Variants in ABCG2 observed in about 807,000 individuals in gnomAD.
ABCG2 encodes the protein broad substrate specificity ATP-binding cassette transporter ABCG2.
ABCG2 carries 80 observed loss-of-function variants against 73.5 expected under a neutral mutation model. The observed-to-expected ratio is 1.09, with a 90% CI of 0.91 to 1.31. ABCG2 has a LOEUF of 1.31. ABCG2 is among the 50% of genes most tolerant of loss of function. The pLI is 0.00. For synonymous variants in ABCG2, 269 were observed against 282.4 expected, an observed-to-expected ratio of 0.95 and a Z score of 0.48; for missense variants, 796 against 786.2, an observed-to-expected ratio of 1.01 and a Z score of -0.15.
At position 88,183,345 on chromosome 4, in the gene ABCG2, G is replaced by C. The variant is rs114270388; in HGVS notation, c.-19-43331C>G. On this transcript the variant is annotated intron_variant, in intron 1 of 15. Transcript: ENST00000515655. ...TTAGCCAGACTAATGAAGAAAAAAA[G>C]AGAAAAGAAACAAATAAATAAAATC... Among the ~76,000 whole-genome samples, 1,138 of 152,044 alleles carry C rather than the reference G, an allele frequency of 7.5e-3. 14 individuals are homozygous for C. Among genetic ancestry groups the C allele is most frequent in the African/African-American group, 0.026 (1,067 of 41,506 alleles).
intron 1 of ABCG2, among the ~76,000 whole-genome samples, chr4:88,164,753 A>G (rs1727447868): frequency 1.3e-5 from 2 of 152,150 alleles, no homozygotes; most frequent in Non-Finnish European, 2.9e-5. Context: ...ATGTATCCTC[A>G]TGGAGGTAAA....
intron 9 of ABCG2, among the ~76,000 whole-genome samples, chr4:88,108,713 C>T (rs920752814): frequency 3.3e-5 from 5 of 152,090 alleles, no homozygotes; most frequent in Non-Finnish European, 5.9e-5. Flanking sequence ...TGAAGCAAAC[C>T]GAACTGCAAA....
rs772863640 is a variant in ABCG2 at position 88,121,790 on chromosome 4, A to G, written c.534T>C (p.Val178=). Residue 178 remains valine, a splice_region_variant and synonymous_variant, in exon 6 of 16, where the codon GTT becomes GTC. Coordinates refer to ENST00000237612, the MANE Select transcript of ABCG2 (RefSeq NM_004827.3). ...ACACACCACGGATAAACTGAGTTCC[A>G]ACCTAAATCACAAATATTATAATTG... ...LGLDKVADSK[V]GTQFIRGVSG... is the part of the protein sequence containing the mutation. 1.9e-5 allele frequency: 30 copies of G among 1,612,138 alleles called. No homozygotes were observed. In the African/African-American group the frequency reaches 3.5e-4, roughly 19 times the overall value.
intron 5 of ABCG2, among the ~76,000 whole-genome samples, chr4:88,129,265 G>A (rs982124248): frequency 6.6e-6 from 1 of 152,034 alleles, no homozygotes; most frequent in Non-Finnish European, 1.5e-5. Context: ...CTATGTAAAT[G>A]ATATTAATTG....
At chr4:88,154,090 A>G (rs1213122392) in intron 1 of ABCG2, among the ~76,000 whole-genome samples, 1 of 152,146 alleles carries the variant, frequency 6.6e-6, no homozygotes, top group Non-Finnish European at 1.5e-5. Context: ...GAAGAGATTG[A>G]TAGGTGGAAG....
chr4:88,177,918 CCA>C (rs1258919672), intron 1 of ABCG2, among the ~76,000 whole-genome samples: 1 of 152,166 alleles, frequency 6.6e-6, no homozygotes. Flanking sequence ...GTGGTCAGGA[CCA>C]GAGTTCCAGC....
intron 2 of ABCG2, among the ~76,000 whole-genome samples, chr4:88,133,724 G>A (rs1206500582): frequency 4.6e-5 from 7 of 152,214 alleles, no homozygotes; most frequent in African/African-American, 1.7e-4. Flanking sequence ...TTGGCCGGGT[G>A]TGGTGGCTCA....
chr4:88,090,389 T>A lies in ABCG2; in HGVS notation c.*1845A>T, dbSNP rs1181020943. The A allele has an allele frequency of 6.6e-6, 1 of 152,086 alleles. No homozygotes were observed. The highest frequency in any genetic ancestry group is 2.4e-5 in the African/African-American group (1 of 41,384). 9.4% of individuals were successfully genotyped at this position (152,086 alleles called of 1,614,324 possible). A position where few individuals can be genotyped will look rare whatever the true frequency, so the allele number is the denominator to read the frequency against. Reference sequence around the variant, plus strand: ...CTCTCTGTGTAATAAGGGAAGGGTATATATAGAGAACTGTAAGGGACAGGT... The same window carrying A: ...CTCTCTGTGTAATAAGGGAAGGGTAAATATAGAGAACTGTAAGGGACAGGT... On this transcript the variant is annotated 3_prime_UTR_variant, in exon 16 of 16. Coordinates refer to ENST00000237612, the MANE Select transcript of ABCG2 (RefSeq NM_004827.3).
chr4:88,126,711 C>T (rs1051322511), intron 5 of ABCG2, among the ~76,000 whole-genome samples: 10 of 152,128 alleles, frequency 6.6e-5, no homozygotes, highest in African/African-American at 1.7e-4. Flanking sequence ...GTAAGGCCTT[C>T]GATAAAATTC....
rs185332632 is a variant in ABCG2 at position 88,115,142 on chromosome 4, A to C, written c.842-84T>G. On this transcript the variant is annotated intron_variant, in intron 7 of 15. Transcript: ENST00000237612. ...TCACTTTCAGAGGGTGAGGGAGGTAAGGCTAGAGAAGACAGAATCTAATGA... is the reference window on the plus strand; with the variant it reads ...TCACTTTCAGAGGGTGAGGGAGGTACGGCTAGAGAAGACAGAATCTAATGA... 3.9e-3 allele frequency: 3,260 copies of C among 827,868 alleles called. 10 individuals are homozygous for C. The highest frequency in any genetic ancestry group is 5.1e-3 in the Non-Finnish European group (2,570 of 502,328). 51.3% of individuals were successfully genotyped at this position (827,868 alleles called of 1,614,324 possible).
At position 88,090,551 on chromosome 4, in the gene ABCG2, A is replaced by G. The variant is rs1721582848; in HGVS notation, c.*1683T>C. On this transcript the variant is annotated 3_prime_UTR_variant, in exon 16 of 16. Transcript: ENST00000237612. The stretch of plus-strand genomic sequence containing the variant: ...TCCAAAAAGAAAAAAGTTCAAAGAT[A>G]AAAATATAATGCCATGTTCCCAAAT... 1 of 152,250 alleles carries G rather than the reference A, an allele frequency of 6.6e-6. No individual in the cohort carries two copies. Among genetic ancestry groups the G allele is most frequent in the African/African-American group, 2.4e-5 (1 of 41,474 alleles). 9.4% of individuals were successfully genotyped at this position (152,250 alleles called of 1,614,324 possible). A position where few individuals can be genotyped will look rare whatever the true frequency, so the allele number is the denominator to read the frequency against.
At chr4:88,181,167 T>A in intron 1 of ABCG2, among the ~76,000 whole-genome samples, 1 of 151,844 alleles carries the variant, frequency 6.6e-6, no homozygotes, top group East Asian at 1.9e-4. Context: ...TTTGGGAGGC[T>A]GAGGTGGACG....
At chr4:88,186,501 G>T (rs4367138) in intron 1 of ABCG2, among the ~76,000 whole-genome samples, 1 of 151,996 alleles carries the variant, frequency 6.6e-6, no homozygotes, top group Non-Finnish European at 1.5e-5. Context: ...TATAAGCATG[G>T]TCGGTGGCTC....
intron 1 of ABCG2, among the ~76,000 whole-genome samples, chr4:88,152,415 C>T (rs958147742): frequency 1.6e-4 from 24 of 151,978 alleles, no homozygotes; most frequent in African/African-American, 5.3e-4. Flanking sequence ...GGGCTGAGTC[C>T]GAAAAGAAAG....
intron 1 of ABCG2, among the ~76,000 whole-genome samples, chr4:88,186,950 G>C (rs1010003794): frequency 4.1e-5 from 6 of 146,570 alleles, no homozygotes; most frequent in African/African-American, 1.5e-4. Context: ...AAATTTAGCC[G>C]GGCATGGTGG....
At chr4:88,216,642 T>C (rs989676542) in intron 1 of ABCG2, among the ~76,000 whole-genome samples, 2 of 152,232 alleles carry the variant, frequency 1.3e-5, no homozygotes, top group Non-Finnish European at 2.9e-5. Context: ...GGTGACCAGA[T>C]GGCCACCTAG....
chr4:88,210,443 C>A (rs960207585), intron 1 of ABCG2, among the ~76,000 whole-genome samples: 2 of 152,110 alleles, frequency 1.3e-5, no homozygotes, highest in Non-Finnish European at 2.9e-5. Context: ...TCCCCAGCAG[C>A]CTTACCTTTG....
chr4:88,178,632 C>T (rs1213565489), intron 1 of ABCG2, among the ~76,000 whole-genome samples: 1 of 152,182 alleles, frequency 6.6e-6, no homozygotes, highest in Admixed American at 6.5e-5. Flanking sequence ...TCCCTGATTC[C>T]AGGCCTTGGT....
intron 6 of ABCG2, among the ~76,000 whole-genome samples, 175 bp from the exon 7 acceptor site, chr4:88,118,435 T>C (rs376795534): frequency 8.5e-5 from 13 of 152,370 alleles, no homozygotes; most frequent in Admixed American, 3.9e-4. Flanking sequence ...TCAATGCTTT[T>C]ATTAAAACAG....
Sources: gnomAD v4.1 joint callset for allele counts (sites outside exome capture counted in the v4.1 genomes callset) on GRCh38, gnomAD v4.1.1 for gene constraint, MANE v1.5 for transcripts, NCBI Gene and HGNC (gene_info 2026-07-23, HGNC 2026-07-21) for gene names.